Variants in PCDHA3 observed in about 807,000 individuals in gnomAD.
PCDHA3 encodes protocadherin alpha-3.
A neutral mutation model predicts 62.2 loss-of-function variants in PCDHA3; 41 were observed. The ratio of observed to expected loss-of-function variants is 0.66; its 90% CI spans 0.51 to 0.86. The LOEUF (loss-of-function observed/expected upper bound fraction) is 0.86. PCDHA3 is among the 40% of genes least tolerant of loss of function. The pLI is 0.00. For missense variants in PCDHA3, 1,304 were observed against 1,241.2 expected (o/e 1.05, Z -0.76); for synonymous variants, 640 against 555.4 (o/e 1.15, Z -2.14).
Position 140,857,399 on chromosome 5 carries a change from G to A in PCDHA3, c.2394+53808G>A, listed in dbSNP as rs375062704. ...GGAGGTGGCCGACGTGAACGACAAC[G>A]CGCCTGCGTTCGCGCAGTCCGAGTA... On this transcript the variant is annotated intron_variant, in intron 1 of 3. Coordinates refer to ENST00000522353, the MANE Select transcript of PCDHA3 (RefSeq NM_018906.3). 3 of 1,598,394 alleles carry A rather than the reference G, an allele frequency of 1.9e-6. No homozygotes were observed. In the African/African-American group the frequency reaches 4.0e-5, roughly 21 times the overall value.
At chr5:140,988,959 C>G (rs1308701267) in intron 3 of PCDHA3, 3 of 152,056 alleles carry the variant, frequency 2.0e-5, no homozygotes, top group Non-Finnish European at 4.4e-5. Context: ...CCTTCAAGCC[C>G]CACGATGGAG....
At position 141,012,023 on chromosome 5, in the gene PCDHA3, C is replaced by T. The variant is rs1174206729; in HGVS notation, c.*2086C>T. On this transcript the variant is annotated 3_prime_UTR_variant, in exon 4 of 4. Coordinates refer to ENST00000522353, the MANE Select transcript of PCDHA3 (RefSeq NM_018906.3). ...TATTTTGAAGGGTGTGTAACTTCAGCTCTGCAGGATTGCATGGGGTAAAAC... is the reference window on the plus strand; with the variant it reads ...TATTTTGAAGGGTGTGTAACTTCAGTTCTGCAGGATTGCATGGGGTAAAAC... The T allele has an allele frequency of 6.5e-6, 1 of 153,700 alleles. No individual in the cohort carries two copies. The highest frequency in any genetic ancestry group is 1.5e-5 in the Non-Finnish European group (1 of 68,026). The allele number at this position is 153,700 out of a possible 1,614,324, so 9.5% of individuals were successfully genotyped here.
At position 140,978,997 on chromosome 5, in the gene PCDHA3, G is replaced by C. The variant is rs782253140; in HGVS notation, c.2443G>C (p.Gly815Arg). The C allele has an allele frequency of 2.7e-5, 44 of 1,614,040 alleles. No individual in the cohort carries two copies. Among genetic ancestry groups the C allele is most frequent in the Non-Finnish European group, 3.6e-5 (43 of 1,180,028 alleles). ...GCGTTACTCTGCCTCCCTGAGAGCA[G>C]GCATGCACAGGTATGTATTTCCCTC... ...DWRYSASLRAGMHSSVHLEEA... is the reference protein window; with the variant it reads ...DWRYSASLRARMHSSVHLEEA... Residue 815 changes from glycine to arginine, a missense_variant, in exon 2 of 4, where the codon GGC becomes CGC. Transcript: ENST00000522353.
chr5:140,850,372 T>C, intron 1 of PCDHA3: 1 of 1,597,806 alleles, frequency 6.3e-7, no homozygotes, highest in African/African-American at 1.3e-5. Context: ...CGCGTGGGGC[T>C]GTACACGGGC....
chr5:140,830,602 A>G (rs970606519), intron 1 of PCDHA3: 1 of 658,624 alleles, frequency 1.5e-6, no homozygotes, highest in Non-Finnish European at 2.3e-6. Flanking sequence ...AAAATTACAT[A>G]TTTTCATTTT....
chr5:140,808,145 G>A, intron 1 of PCDHA3: 1 of 1,614,118 alleles, frequency 6.2e-7, no homozygotes, highest in African/African-American at 1.3e-5. Flanking sequence ...TGAAATTATT[G>A]TAGAGGGCAT....
chr5:140,822,978 G>A (rs2150120962), intron 1 of PCDHA3: 13 of 1,614,232 alleles, frequency 8.1e-6, no homozygotes, highest in Non-Finnish European at 1.0e-5. Flanking sequence ...CCACCTTCAA[G>A]AATTACTACT....
At chr5:140,804,624 C>T (rs1763423636) in intron 1 of PCDHA3, 1 of 153,174 alleles carries the variant, frequency 6.5e-6, no homozygotes, top group African/African-American at 2.4e-5. Context: ...TGGTTAACTT[C>T]TCTGAATAGC....
At chr5:140,867,350 T>C (rs1357404505) in intron 1 of PCDHA3, 1 of 152,128 alleles carries the variant, frequency 6.6e-6, no homozygotes, top group African/African-American at 2.4e-5. Flanking sequence ...GCTACTATGA[T>C]TGATTATTTT....
chr5:140,836,190 T>G, intron 1 of PCDHA3: 1 of 1,613,826 alleles, frequency 6.2e-7, no homozygotes, highest in East Asian at 2.2e-5. Flanking sequence ...TGACTCAGGC[T>G]ACAACGCGTG....
At chr5:140,835,820 G>T (rs2150245687) in intron 1 of PCDHA3, 1 of 1,612,676 alleles carries the variant, frequency 6.2e-7, no homozygotes, top group South Asian at 1.1e-5. Flanking sequence ...CTGTGTCGGC[G>T]GGGGACGCGG....
chr5:140,817,562 C>A (rs1766158896), intron 1 of PCDHA3: 1 of 152,242 alleles, frequency 6.6e-6, no homozygotes, highest in Middle Eastern at 3.4e-3. Flanking sequence ...TGACTTATTA[C>A]CTCAATTAAA....
At chr5:140,851,161 T>C in intron 1 of PCDHA3, 1 of 1,297,820 alleles carries the variant, frequency 7.7e-7, no homozygotes, top group East Asian at 2.8e-5. Flanking sequence ...TCTGATGCTA[T>C]GCTGCCATAA....
chr5:140,884,273 C>T (rs1554181411), intron 1 of PCDHA3: 2 of 1,613,468 alleles, frequency 1.2e-6, no homozygotes, highest in Admixed American at 3.3e-5. Context: ...GCTGTTGTCG[C>T]TGGTGGAGAG....
chr5:140,828,242 G>A (rs1769642042), intron 1 of PCDHA3: 1 of 1,613,964 alleles, frequency 6.2e-7, no homozygotes, highest in Non-Finnish European at 8.5e-7. Flanking sequence ...GATCGCGCAG[G>A]ACCTGGGGCT....
At chr5:140,930,993 C>T (rs1275430453) in intron 1 of PCDHA3, among the ~76,000 whole-genome samples, 1 of 152,140 alleles carries the variant, frequency 6.6e-6, no homozygotes, top group African/African-American at 2.4e-5. Flanking sequence ...TCATGACCTA[C>T]ACTAATAACA....
intron 1 of PCDHA3, chr5:140,805,210 C>T: frequency 4.9e-6 from 7 of 1,426,898 alleles, no homozygotes; most frequent in Non-Finnish European, 6.4e-6. Context: ...ACCAAATAAA[C>T]ATTGTTTTCT....
intron 1 of PCDHA3, chr5:140,928,661 G>A (rs1554206119): frequency 6.2e-7 from 1 of 1,614,218 alleles, no homozygotes; most frequent in Non-Finnish European, 8.5e-7. Flanking sequence ...GATGCTGACA[G>A]TGGTTCTAAT....
In PCDHA3 at chr5:140,968,377, T is replaced by C. The variant is rs1461765123; in HGVS notation, c.2395-10572T>C. 2.5e-6 allele frequency: 4 copies of C among 1,613,962 alleles called. No individual in the cohort carries two copies. In the African/African-American group the frequency reaches 4.0e-5, roughly 16 times the overall value. ...GCAGCCTTTATGCTGTCAACTCCTT[T>C]GACTATGAGAAGTTTCGGGAGTTCT... On this transcript the variant is annotated intron_variant, in intron 1 of 3. Transcript: ENST00000522353.
Sources: allele counts gnomAD v4.1 joint callset (sites outside exome capture counted in the v4.1 genomes callset), GRCh38; gene constraint gnomAD v4.1.1; transcripts MANE v1.5; gene names NCBI Gene and HGNC (gene_info 2026-07-23, HGNC 2026-07-21).